HDAC4: variants seen among roughly 807,000 people sequenced by gnomAD.
The protein encoded by HDAC4 is histone deacetylase 4, also known as histone deacetylase A.
HDAC4 carries 16 observed loss-of-function variants against 135.1 expected under a neutral mutation model. The ratio of observed to expected loss-of-function variants is 0.12; its 90% CI spans 0.08 to 0.18. HDAC4 has a LOEUF of 0.18. Among genes scored for constraint, HDAC4 ranks in the 10% least tolerant of loss-of-function variants. HDAC4 has a pLI of 1.00. For synonymous variants in HDAC4, 685 were observed against 653.4 expected (o/e 1.05, Z -0.74); for missense variants, 1,143 against 1,511.8 (o/e 0.76, Z 4.05).
chr2:239,163,247 T>C (rs1030674178), intron 6 of HDAC4, among the ~76,000 whole-genome samples: 3 of 152,226 alleles, frequency 2.0e-5, no homozygotes, highest in African/African-American at 7.2e-5. Context: ...CTAAGAATTA[T>C]TGAAACGTCA....
rs79669977 is a variant in HDAC4, at chr2:239,115,622, A to C, written c.1534-312T>G. The stretch of plus-strand genomic sequence containing the variant: ...TGTCAGGCACCGAGAAACAGAAAAG[A>C]AGCTGCAGGTGTCAACAGAGTCTGC... On this transcript the variant is annotated intron_variant, in intron 12 of 26. Transcript: ENST00000543185. The surrounding 1 kb of genome is among the most constrained non-coding windows in gnomAD (Gnocchi z 6.3). Among the ~76,000 whole-genome samples, 1,538 of 152,180 alleles carry C rather than the reference A, an allele frequency of 0.01. 16 individuals carry two copies. The highest frequency in any genetic ancestry group is 0.029 in the African/African-American group (1,211 of 41,516).
chr2:239,075,096 T>C (rs865977890), intron 22 of HDAC4, among the ~76,000 whole-genome samples: 4 of 151,122 alleles, frequency 2.6e-5, no homozygotes, highest in Non-Finnish European at 4.4e-5. Context: ...TGGTGGCGGG[T>C]GCCTGTAGTC....
chr2:239,208,311 A>G (rs1344392062), intron 3 of HDAC4, among the ~76,000 whole-genome samples: 5 of 132,782 alleles, frequency 3.8e-5, no homozygotes, highest in African/African-American at 1.5e-4. Flanking sequence ...TGGGGGACAG[A>G]GCGAGACTCC....
intron 20 of HDAC4, 134 bp downstream of exon 20, chr2:239,084,021 C>T (rs2035615340): frequency 1.4e-6 from 1 of 720,204 alleles, no homozygotes; most frequent in Non-Finnish European, 2.5e-6. Context: ...TACTTCTCCG[C>T]ATCTTTGAGA....
At chr2:239,221,993 G>A (rs960753086) in intron 3 of HDAC4, among the ~76,000 whole-genome samples, 3 of 152,198 alleles carry the variant, frequency 2.0e-5, no homozygotes, top group Admixed American at 6.5e-5. Flanking sequence ...GATTCGAACA[G>A]AAAATAAAGT....
chr2:239,381,141 G>A (rs553444509), intron 1 of HDAC4, among the ~76,000 whole-genome samples: 14 of 152,314 alleles, frequency 9.2e-5, no homozygotes, highest in Admixed American at 8.5e-4. Flanking sequence ...GGAACCAAGA[G>A]TCACGGAGCT....
chr2:239,253,057 C>T (rs993848468), intron 2 of HDAC4, among the ~76,000 whole-genome samples: 27 of 152,226 alleles, frequency 1.8e-4, no homozygotes. Flanking sequence ...CACACATTCC[C>T]ATCACACTTC....
intron 2 of HDAC4, among the ~76,000 whole-genome samples, chr2:239,276,057 C>G (rs375836389): frequency 1.1e-3 from 163 of 152,200 alleles, no homozygotes; most frequent in African/African-American, 3.8e-3. Flanking sequence ...CTGGGACTGC[C>G]CTGGGGCCAG....
intron 2 of HDAC4, among the ~76,000 whole-genome samples, chr2:239,263,357 C>T (rs918126042): frequency 5.3e-5 from 8 of 150,844 alleles, no homozygotes; most frequent in East Asian, 2.0e-4. Context: ...TCAGCCGCCC[C>T]GAAGCCCGCC....
intron 7 of HDAC4, among the ~76,000 whole-genome samples, chr2:239,153,338 A>C (rs2042226895): frequency 6.6e-6 from 1 of 152,262 alleles, no homozygotes; most frequent in African/African-American, 2.4e-5. Context: ...GTTAATGTAA[A>C]ATCAAAATCA....
At chr2:239,109,841 CATG>C (rs773152616) in intron 14 of HDAC4, among the ~76,000 whole-genome samples, 3 of 152,214 alleles carry the variant, frequency 2.0e-5, no homozygotes, top group African/African-American at 7.2e-5. Flanking sequence ...GTGGAATCAT[CATG>C]ATAAGGTCAC....
At chr2:239,372,264 G>A (rs182552215) in intron 1 of HDAC4, among the ~76,000 whole-genome samples, 15 of 152,286 alleles carry the variant, frequency 9.8e-5, no homozygotes, top group East Asian at 7.7e-4. Flanking sequence ...CCCTCAAGCC[G>A]GCACTGGAAG....
intron 5 of HDAC4, among the ~76,000 whole-genome samples, chr2:239,171,566 T>C (rs1005761293): frequency 1.2e-4 from 19 of 152,194 alleles, no homozygotes; most frequent in African/African-American, 4.3e-4. Context: ...ATGGAGAGAC[T>C]GGGGCAAAGT....
chr2:239,121,503 C>T (rs2039688381), intron 12 of HDAC4, among the ~76,000 whole-genome samples: 1 of 152,234 alleles, frequency 6.6e-6, no homozygotes, highest in African/African-American at 2.4e-5. Flanking sequence ...TCTTGGATGG[C>T]CCTTCCCCGG....
chr2:239,398,615 G>A (rs908874684), intron 1 of HDAC4, among the ~76,000 whole-genome samples: 14 of 152,232 alleles, frequency 9.2e-5, no homozygotes, highest in African/African-American at 2.9e-4. Flanking sequence ...TGGCCAGCGT[G>A]CCAGGTTGTC....
chr2:239,092,058 C>A (rs553390470), intron 17 of HDAC4, among the ~76,000 whole-genome samples: 7 of 151,988 alleles, frequency 4.6e-5, no homozygotes, highest in African/African-American at 1.4e-4. Flanking sequence ...GCGACAGAGC[C>A]AGACTCCGTC....
intron 24 of HDAC4, among the ~76,000 whole-genome samples, chr2:239,060,176 C>T (rs1028142007): frequency 6.6e-6 from 1 of 152,218 alleles, no homozygotes; most frequent in African/African-American, 2.4e-5. Context: ...TGATGGGACT[C>T]CATCCACTGG....
intron 13 of HDAC4, 118 bp downstream of exon 13, chr2:239,114,935 G>A: frequency 2.4e-6 from 3 of 1,238,740 alleles, no homozygotes; most frequent in Non-Finnish European, 3.4e-6. Context: ...GTGAGACACT[G>A]GACAGTGACC....
At chr2:239,181,788 G>T (rs989132128) in intron 4 of HDAC4, among the ~76,000 whole-genome samples, 1 of 152,184 alleles carries the variant, frequency 6.6e-6, no homozygotes, top group Non-Finnish European at 1.5e-5. Flanking sequence ...GCCCCCAAGG[G>T]TTCCTGTGAG....
Sources: gnomAD v4.1 joint callset for allele counts (sites outside exome capture counted in the v4.1 genomes callset) on GRCh38, gnomAD v4.1.1 for gene constraint, Gnocchi (gnomAD v3.1) non-coding constraint, MANE v1.5 for transcripts, NCBI Gene and HGNC (gene_info 2026-07-23, HGNC 2026-07-21) for gene names.